NFIA: variants seen among roughly 807,000 people sequenced by gnomAD.
NFIA encodes nuclear factor I A.
A neutral mutation model predicts 62.8 loss-of-function variants in NFIA; 8 were observed. That is an observed-to-expected ratio of 0.13 (90% CI 0.07 to 0.23). NFIA has a LOEUF of 0.23. Ranked by LOEUF, NFIA falls within the 10% of genes least tolerant of loss-of-function variation. The probability of loss-of-function intolerance (pLI) is 1.00; values close to 1 mark genes in which losing one functional copy is unlikely to be tolerated. For synonymous variants in NFIA, 235 were observed against 238.1 expected (o/e 0.99, Z 0.12); for missense variants, 410 against 642.1 (o/e 0.64, Z 3.91).
intron 2 of NFIA, among the ~76,000 whole-genome samples, chr1:61,195,888 A>G (rs1175312060): frequency 4.6e-5 from 7 of 152,156 alleles, no homozygotes; most frequent in Non-Finnish European, 7.4e-5. Context: ...AGCAGAGTAA[A>G]ATACTATAAC....
chr1:61,450,718 A>T (rs1158503807), intron 10 of NFIA, among the ~76,000 whole-genome samples: 1 of 152,120 alleles, frequency 6.6e-6, no homozygotes, highest in East Asian at 1.9e-4. Context: ...GCAGTGTTAA[A>T]CTTTGCCCTT....
rs58845526 is a variant in NFIA at position 61,319,790 on chromosome 1, A to AACACACACACAC, written c.626-12687_626-12676dup. Among the ~76,000 whole-genome samples, 1,025 of 139,552 alleles carry AACACACACACAC rather than the reference A, an allele frequency of 7.3e-3. 15 individuals carry two copies. The highest frequency in any genetic ancestry group is 0.025 in the African/African-American group (887 of 35,528). 91.6% of individuals were successfully genotyped at this position (139,552 alleles called of 152,430 possible). ...CAATGATTTCTTCCTGGAAGAATTA[A>AACACACACACAC]ACACACACACACACACACACACACA... is the stretch of plus-strand genomic sequence containing the variant. On this transcript the variant is annotated intron_variant, in intron 3 of 10. Coordinates refer to ENST00000403491, the MANE Select transcript of NFIA (RefSeq NM_001134673.4).
At chr1:61,261,305 C>G (rs1055145499) in intron 2 of NFIA, among the ~76,000 whole-genome samples, 4 of 152,168 alleles carry the variant, frequency 2.6e-5, no homozygotes, top group Non-Finnish European at 4.4e-5. Flanking sequence ...GATGGTTCAA[C>G]TTAAGAATCC....
At chr1:61,328,706 ACC>A (rs1661101823) in intron 3 of NFIA, among the ~76,000 whole-genome samples, 3 of 147,688 alleles carry the variant, frequency 2.0e-5, no homozygotes, top group African/African-American at 7.5e-5. Flanking sequence ...GGCATAAACC[ACC>A]GCACCCGGCC....
rs575774537 is a variant in NFIA, at chr1:61,343,465, GCT to G, written c.701-8982_701-8981del. 2.7e-3 allele frequency among the ~76,000 whole-genome samples: 405 copies of G among 152,242 alleles called. 3 individuals are homozygous for G. Among genetic ancestry groups the G allele is most frequent in the African/African-American group, 9.3e-3 (386 of 41,556 alleles). On this transcript the variant is annotated intron_variant, in intron 4 of 10. Transcript: ENST00000403491. The stretch of plus-strand genomic sequence containing the variant: ...CAAGACAGGGATGTGTGAAAATAGG[GCT>G]CTGTCTGTGTTAGCGGATGCCTTTC...
chr1:61,080,236 C>CA (rs1300175873), upstream of NFIA, among the ~76,000 whole-genome samples: 5 of 150,618 alleles, frequency 3.3e-5, no homozygotes, highest in Admixed American at 6.6e-5. Context: ...ACTGCTGCAA[C>CA]AAAAGAAGTT....
chr1:61,310,070 T>G (rs1189123497), intron 3 of NFIA, among the ~76,000 whole-genome samples: 2 of 152,248 alleles, frequency 1.3e-5, no homozygotes, highest in Admixed American at 1.3e-4. Context: ...ATGGTAGAGA[T>G]AATTTACAAA....
intron 2 of NFIA, among the ~76,000 whole-genome samples, chr1:61,256,278 C>A (rs761785544): frequency 2.4e-4 from 37 of 151,036 alleles, no homozygotes; most frequent in Non-Finnish European, 4.7e-4. Context: ...ACTAAAAATA[C>A]AAAAAAAATT....
At chr1:61,219,018 G>C (rs1653832071) in intron 2 of NFIA, among the ~76,000 whole-genome samples, 1 of 152,042 alleles carries the variant, frequency 6.6e-6, no homozygotes, top group Admixed American at 6.5e-5. Context: ...TATCACCTGA[G>C]GTCAGGAGTT....
chr1:61,124,354 A>G (rs559514872), intron 2 of NFIA, among the ~76,000 whole-genome samples: 31 of 152,334 alleles, frequency 2.0e-4, no homozygotes, highest in African/African-American at 6.7e-4. Flanking sequence ...AGGTCTTACA[A>G]TGGAAACATA....
At chr1:61,116,566 T>G (rs1646796811) in intron 2 of NFIA, among the ~76,000 whole-genome samples, 1 of 152,156 alleles carries the variant, frequency 6.6e-6, no homozygotes, top group Non-Finnish European at 1.5e-5. Flanking sequence ...GGAATGACAT[T>G]CGTTAAGTTG....
At chr1:61,372,417 TGTC>T (rs1199636559) in intron 6 of NFIA, among the ~76,000 whole-genome samples, 1 of 152,100 alleles carries the variant, frequency 6.6e-6, no homozygotes, top group Non-Finnish European at 1.5e-5. Flanking sequence ...ATCATTACAT[TGTC>T]ACAAAGAATG....
intron 3 of NFIA, among the ~76,000 whole-genome samples, chr1:61,303,569 T>G (rs1027848151): frequency 2.0e-5 from 3 of 152,016 alleles, no homozygotes; most frequent in Non-Finnish European, 4.4e-5. Flanking sequence ...GGAAGACTAG[T>G]GTGGATGGAA....
intron 2 of NFIA, among the ~76,000 whole-genome samples, chr1:61,219,713 C>CAAAAAAAAAAAAA (rs749092216): frequency 9.3e-6 from 1 of 107,810 alleles, no homozygotes; most frequent in Non-Finnish European, 1.8e-5. Flanking sequence ...GACTCCGTCT[C>CAAAAAAAAAAAAA]AAAAAAAAAA....
chr1:61,281,382 A>C (rs1658123177), intron 3 of NFIA, among the ~76,000 whole-genome samples: 1 of 152,220 alleles, frequency 6.6e-6, no homozygotes, highest in South Asian at 2.1e-4. Flanking sequence ...CCTTCCAGTT[A>C]AAGCTTGTCG....
At chr1:61,382,235 A>G (rs1475863499) in intron 6 of NFIA, among the ~76,000 whole-genome samples, 2 of 152,176 alleles carry the variant, frequency 1.3e-5, no homozygotes, top group African/African-American at 4.8e-5. Flanking sequence ...CCAGTTGGGT[A>G]TGTCAGCGTG....
At chr1:61,203,710 G>A (rs900146775) in intron 2 of NFIA, among the ~76,000 whole-genome samples, 14 of 152,094 alleles carry the variant, frequency 9.2e-5, no homozygotes, top group Admixed American at 5.9e-4. Flanking sequence ...CTCCTACACC[G>A]GGCCATGTTT....
In NFIA at chr1:61,374,058, T is replaced by A. The variant is rs72666653; in HGVS notation, c.947-9179T>A. ...AATTTTTAAATTCATTTAATTTTAATTAATTTAGATTTAAGTAGCCACATG... is the reference window on the plus strand; with the variant it reads ...AATTTTTAAATTCATTTAATTTTAAATAATTTAGATTTAAGTAGCCACATG... On this transcript the variant is annotated intron_variant, in intron 6 of 10. Coordinates refer to ENST00000403491, the MANE Select transcript of NFIA (RefSeq NM_001134673.4). 3.4e-3 allele frequency among the ~76,000 whole-genome samples: 520 copies of A among 152,214 alleles called. 10 individuals are homozygous for A. In the East Asian group the frequency reaches 0.041, roughly 12 times the overall value.
intron 2 of NFIA, among the ~76,000 whole-genome samples, chr1:61,263,890 T>C (rs963083646): frequency 2.0e-5 from 3 of 151,974 alleles, no homozygotes; most frequent in Non-Finnish European, 4.4e-5. Context: ...CTCACGAGGC[T>C]GAGGCAGGAG....
Sources: allele counts gnomAD v4.1 joint callset (sites outside exome capture counted in the v4.1 genomes callset), GRCh38; gene constraint gnomAD v4.1.1; transcripts MANE v1.5; gene names NCBI Gene and HGNC (gene_info 2026-07-23, HGNC 2026-07-21).